Variants in HSPA9 observed in about 807,000 individuals in gnomAD.
HSPA9 encodes heat shock protein family A (Hsp70) member 9.
In HSPA9, 28 loss-of-function variants were observed where a neutral mutation model predicts 81.5. That is an observed-to-expected ratio of 0.34 (90% CI 0.25 to 0.47). The LOEUF (loss-of-function observed/expected upper bound fraction) is 0.47. HSPA9 is among the 20% of genes least tolerant of loss of function. The pLI, the probability that HSPA9 is intolerant of heterozygous loss-of-function variation, is 1.00. For synonymous variants in HSPA9, 293 were observed against 290.4 expected, an observed-to-expected ratio of 1.01 and a Z score of -0.09; for missense variants, 678 against 838.0, an observed-to-expected ratio of 0.81 and a Z score of 2.36.
chr5:138,559,876 G>T lies in HSPA9; in HGVS notation c.1398C>A (p.Thr466=). The T allele has an allele frequency of 1.2e-6, 2 of 1,607,388 alleles. No individual in the cohort carries two copies. Among genetic ancestry groups the T allele is most frequent in the African/African-American group, 1.3e-5 (1 of 74,872 alleles). The part of the protein sequence containing the change: ...KLINRNTTIP[T]KKSQVFSTAA... ...TGATGGCTCTTACCTGGCTCTTCTT[G>T]GTTGGAATAGTGGTATTCCTATTAA... The change falls in exon 11 of 17, where the codon ACC becomes ACA. Residue 466 remains threonine, a synonymous_variant. Coordinates refer to ENST00000297185, the MANE Select transcript of HSPA9 (RefSeq NM_004134.7).
rs1357991411 is a variant in HSPA9 at position 138,554,808 on chromosome 5, A to G, written c.*1229T>C. 4 of 152,252 alleles carry G rather than the reference A, an allele frequency of 2.6e-5. No individual in the cohort carries two copies. The allele number at this position is 152,252 out of a possible 1,614,324, so 9.4% of individuals were successfully genotyped here. On this transcript the variant is annotated 3_prime_UTR_variant, in exon 17 of 17. Coordinates refer to ENST00000297185, the MANE Select transcript of HSPA9 (RefSeq NM_004134.7). Reference sequence around the variant, plus strand: ...TAGTTGCCTTTCTGCTCAGGTTGTCAGCACATGATAATTATTAGAACTACA... The same window carrying G: ...TAGTTGCCTTTCTGCTCAGGTTGTCGGCACATGATAATTATTAGAACTACA...
At position 138,555,120 on chromosome 5, in the gene HSPA9, AGGTCTAAGG is replaced by A. The variant is rs1750491205; in HGVS notation, c.*908_*916del. On this transcript the variant is annotated 3_prime_UTR_variant, in exon 17 of 17. Coordinates refer to ENST00000297185, the MANE Select transcript of HSPA9 (RefSeq NM_004134.7). ...ACTTTCAAGATTCTAAATGTACCAAAGGTCTAAGGGGAGAAAATAAAATCCTTCAAACAA... is the reference window on the plus strand; with the variant it reads ...ACTTTCAAGATTCTAAATGTACCAAAGGAGAAAATAAAATCCTTCAAACAA... The A allele has an allele frequency of 6.6e-6, 1 of 152,194 alleles. No homozygotes were observed. Among genetic ancestry groups the A allele is most frequent in the South Asian group, 2.1e-4 (1 of 4,832 alleles). The allele number at this position is 152,194 out of a possible 1,614,324, so 9.4% of individuals were successfully genotyped here.
At chr5:138,571,524 A>T (rs1750889743) in intron 3 of HSPA9, among the ~76,000 whole-genome samples, 1 of 152,232 alleles carries the variant, frequency 6.6e-6, no homozygotes, top group South Asian at 2.1e-4. Flanking sequence ...AGACACAGAA[A>T]CAGCTCCCAA....
Position 138,558,628 on chromosome 5 carries a change from C to G in HSPA9, c.1440G>C (p.Thr480=), listed in dbSNP as rs149852902. ...QVFSTAADGQ[T]QVEIKVCQGE... The stretch of plus-strand genomic sequence containing the variant: ...CCTGACACACTTTAATTTCCACTTG[C>G]GTTTGACCATCAGCGGCAGTAGAGA... The change falls in exon 12 of 17, where the codon ACG becomes ACC. Residue 480 remains threonine (T), a synonymous_variant. Transcript: ENST00000297185. 24 of 1,613,548 alleles carry G rather than the reference C, an allele frequency of 1.5e-5. No homozygotes were observed. In the African/African-American group the frequency reaches 2.7e-4, roughly 18 times the overall value.
chr5:138,554,191 G>C lies in HSPA9; in HGVS notation c.*1846C>G, dbSNP rs942544405. Among the ~76,000 whole-genome samples, 1 of 152,092 alleles carries C rather than the reference G, an allele frequency of 6.6e-6. No homozygotes were observed. Among genetic ancestry groups the C allele is most frequent in the Admixed American group, 6.6e-5 (1 of 15,258 alleles). On this transcript the variant is annotated 3_prime_UTR_variant, in exon 17 of 17. Transcript: ENST00000297185. ...AAATACTGTGTCCACCCATACCCAA[G>C]CAACTTCTCCCTCCTAATAGAACTC...
rs1750770881 is a variant in HSPA9, at chr5:138,566,673, G to A, written c.925C>T (p.Arg309Trp). The A allele has an allele frequency of 3.1e-6, 5 of 1,613,892 alleles. No homozygotes were observed. Among genetic ancestry groups the A allele is most frequent in the Non-Finnish European group, 4.2e-6 (5 of 1,179,870 alleles). Reference protein sequence around the residue: ...TKDNMALQRVREAAEKAKCEL... With the variant: ...TKDNMALQRVWEAAEKAKCEL... ...CATTTAGCCTTTTCAGCAGCTTCCC[G>A]TACCCTCTGAAGTGCCATGTTGTCT... Residue 309 changes from arginine (R) to tryptophan (W), a missense_variant, in exon 9 of 17, where the codon CGG (arginine) becomes TGG (tryptophan). Transcript: ENST00000297185.
At position 138,561,976 on chromosome 5, in the gene HSPA9, A is replaced by G. The variant is rs1385826913; in HGVS notation, c.973-187T>C. On this transcript the variant is annotated intron_variant, in intron 9 of 16. Coordinates refer to ENST00000297185, the MANE Select transcript of HSPA9 (RefSeq NM_004134.7). Reference sequence around the variant, plus strand: ...TTTTTTTGAGACAGAGTCTCATTCTATCGCCAGGCTGGAGTGCAGTGGCAT... The same window carrying G: ...TTTTTTTGAGACAGAGTCTCATTCTGTCGCCAGGCTGGAGTGCAGTGGCAT... Among the ~76,000 whole-genome samples, 5 of 151,102 alleles carry G rather than the reference A, an allele frequency of 3.3e-5. No homozygotes were observed. In the South Asian group the frequency reaches 8.4e-4, roughly 25 times the overall value.
intron 10 of HSPA9, among the ~76,000 whole-genome samples, chr5:138,560,356 TACACA>T (rs1267432669): frequency 2.0e-5 from 3 of 152,232 alleles, no homozygotes; most frequent in Non-Finnish European, 2.9e-5. Context: ...TCTGCTTTCC[TACACA>T]ACACATTAAA....
intron 10 of HSPA9, 149 bp downstream of exon 10, chr5:138,561,431 A>G (rs1465897859): frequency 1.4e-6 from 1 of 708,322 alleles, no homozygotes; most frequent in African/African-American, 1.8e-5. Context: ...TTAACAAAAC[A>G]AACAGAAAAG....
intron 4 of HSPA9, among the ~76,000 whole-genome samples, chr5:138,569,791 A>G (rs1349934209): frequency 1.3e-5 from 2 of 152,168 alleles, no homozygotes; most frequent in African/African-American, 2.4e-5. Context: ...AGCCTCAGAC[A>G]GTCTTTCCAC....
intron 9 of HSPA9, 99 bp from the exon 10 acceptor site, chr5:138,561,888 C>T (rs1159842785): frequency 5.5e-6 from 5 of 915,170 alleles, no homozygotes; most frequent in Middle Eastern, 2.3e-4. Flanking sequence ...GGACAGAAGA[C>T]TTGCAAAACC....
At chr5:138,575,164 C>T (rs1414044901) in intron 1 of HSPA9, 74 bp downstream of exon 1, 3 of 1,038,166 alleles carry the variant, frequency 2.9e-6, no homozygotes, top group Non-Finnish European at 4.4e-6. Flanking sequence ...AAAGGGCGCG[C>T]GGCCTGCCGC....
chr5:138,556,237 C>A, intron 16 of HSPA9, 123 bp from the exon 17 acceptor site: 2 of 1,034,124 alleles, frequency 1.9e-6, no homozygotes, highest in South Asian at 1.3e-5. Flanking sequence ...TCCACTCCCC[C>A]TCCCCACTTT....
rs10694028 is a variant in HSPA9 at position 138,571,812 on chromosome 5, TTGTGTGTG to T, written c.229-679_229-672del. Among the ~76,000 whole-genome samples the T allele has an allele frequency of 3.8e-3, 561 of 146,270 alleles. 3 individuals carry two copies. Among genetic ancestry groups the T allele is most frequent in the African/African-American group, 0.013 (526 of 39,724 alleles). On this transcript the variant is annotated intron_variant, in intron 3 of 16. Transcript: ENST00000297185. ...TGCCTGCCACCACACCCAACTAATT[TTGTGTGTG>T]TGTGTGTGTGTGTGTACTTTTAGTA... is the stretch of plus-strand genomic sequence containing the variant.
Position 138,567,037 on chromosome 5 carries a change from G to A in HSPA9, c.843C>T (p.Ala281=). The part of the protein sequence containing the change: ...TFLGGEDFDQ[A]LLRHIVKEFK... ...ACTCCTTCACAATGTGCCGTAGCAA[G>A]GCCTGGTCAAAGTCTTCCCCACCTA... The change falls in exon 8 of 17, where the codon GCC becomes GCT. Residue 281 remains alanine (A), a synonymous_variant. Transcript: ENST00000297185. The A allele has an allele frequency of 6.2e-7, 1 of 1,612,924 alleles. No homozygotes were observed. Among genetic ancestry groups the A allele is most frequent in the Non-Finnish European group, 8.5e-7 (1 of 1,179,604 alleles).
At chr5:138,571,812 T>TTGTGTGTGTG (rs10694028) in intron 3 of HSPA9, among the ~76,000 whole-genome samples, 4,727 of 146,202 alleles carry the variant, frequency 0.032, 107 homozygotes, top group Admixed American at 0.059. Context: ...CCAACTAATT[T>TTGTGTGTGTG]TGTGTGTGTG....
rs1479610151 is a variant in HSPA9, at chr5:138,554,854, CAGTACACTG to C, written c.*1174_*1182del. 6.6e-6 allele frequency: 1 copy of C among 152,166 alleles called. No homozygotes were observed. The highest frequency in any genetic ancestry group is 1.5e-5 in the Non-Finnish European group (1 of 68,046). The allele number at this position is 152,166 out of a possible 1,614,324, so 9.4% of individuals were successfully genotyped here. A position where few individuals can be genotyped will look rare whatever the true frequency, so the allele number is the denominator to read the frequency against. ...CTACATCAGAGAATTTGGGACAAGC[CAGTACACTG>C]AGGACAGAAAAGCAGAAATAGGGAA... On this transcript the variant is annotated 3_prime_UTR_variant, in exon 17 of 17. Transcript: ENST00000297185.
rs1245794078 is a variant in HSPA9, at chr5:138,575,359, CCGA to C, written c.-44_-42del. ...GAGTACGAGGCAGCAAACAAGCGCT[CCGA>C]CGGCAAAGAGCTGCGCGATGCGGTG... On this transcript the variant is annotated 5_prime_UTR_variant, in exon 1 of 17. Transcript: ENST00000297185. 3.9e-6 allele frequency: 6 copies of C among 1,532,846 alleles called. No individual in the cohort carries two copies. Among genetic ancestry groups the C allele is most frequent in the African/African-American group, 1.4e-5 (1 of 73,408 alleles). 95.0% of individuals were successfully genotyped at this position (1,532,846 alleles called of 1,614,324 possible).
rs41294554 is a variant in HSPA9 at position 138,575,141 on chromosome 5, G to A, written c.81+97C>T. 989 of 808,322 alleles carry A rather than the reference G, an allele frequency of 1.2e-3. 2 individuals carry two copies. Among genetic ancestry groups the A allele is most frequent in the African/African-American group, 0.01 (595 of 58,438 alleles). 50.1% of individuals were successfully genotyped at this position (808,322 alleles called of 1,614,324 possible). On this transcript the variant is annotated intron_variant, in intron 1 of 16. Transcript: ENST00000297185. Reference sequence around the variant, plus strand: ...TCCTTCCCGCCTGACCTATACTGGAGAATTCAAACCCTAAAGGGCGCGCGG... The same window carrying A: ...TCCTTCCCGCCTGACCTATACTGGAAAATTCAAACCCTAAAGGGCGCGCGG...
Sources: allele counts gnomAD v4.1 joint callset (sites outside exome capture counted in the v4.1 genomes callset), GRCh38; gene constraint gnomAD v4.1.1; transcripts MANE v1.5; gene names NCBI Gene and HGNC (gene_info 2026-07-23, HGNC 2026-07-21).